USP37: variants seen among roughly 807,000 people sequenced by gnomAD.
USP37 encodes ubiquitin carboxyl-terminal hydrolase 37.
USP37 carries 27 observed loss-of-function variants against 124.0 expected under a neutral mutation model. The ratio of observed to expected loss-of-function variants is 0.22; its 90% CI spans 0.16 to 0.30. The LOEUF (loss-of-function observed/expected upper bound fraction) is 0.30. Ranked by LOEUF, USP37 falls within the 10% of genes least tolerant of loss-of-function variation. The probability of loss-of-function intolerance (pLI) is 1.00; values close to 1 mark genes in which losing one functional copy is unlikely to be tolerated. For synonymous variants in USP37, 365 were observed against 388.0 expected (o/e 0.94, Z 0.70); for missense variants, 889 against 1,140.4 (o/e 0.78, Z 3.17).
intron 10 of USP37, among the ~76,000 whole-genome samples, chr2:218,514,791 C>T (rs1276924772): frequency 6.6e-6 from 1 of 152,190 alleles, no homozygotes; most frequent in East Asian, 1.9e-4. Flanking sequence ...ATTCCTACAA[C>T]CCTCTGAAAT....
At chr2:218,533,662 C>A (rs1691461162) in intron 9 of USP37, among the ~76,000 whole-genome samples, 1 of 151,894 alleles carries the variant, frequency 6.6e-6, no homozygotes, top group South Asian at 2.1e-4. Flanking sequence ...TGTGATATTT[C>A]TTTCTGTAGG....
At position 218,474,890 on chromosome 2, in the gene USP37, A is replaced by G; in HGVS notation, c.2044-5T>C. ...TATTGGGCATAATTTTGAATCCTGA[A>G]GAAGAGAGTTACTTTTAGAAGAAAC... is the stretch of plus-strand genomic sequence containing the variant. On this transcript the variant is annotated splice_polypyrimidine_tract_variant and splice_region_variant and intron_variant, in intron 19 of 25. Transcript: ENST00000258399. 1.2e-6 allele frequency: 2 copies of G among 1,605,152 alleles called. No individual in the cohort carries two copies. The highest frequency in any genetic ancestry group is 1.7e-6 in the Non-Finnish European group (2 of 1,176,108).
chr2:218,489,630 C>T (rs1372277249), intron 14 of USP37, among the ~76,000 whole-genome samples: 1 of 151,896 alleles, frequency 6.6e-6, no homozygotes, highest in Non-Finnish European at 1.5e-5. Flanking sequence ...CAGGTGCACA[C>T]CACCACGCCT....
At chr2:218,496,764 T>A (rs1689103694) in intron 13 of USP37, among the ~76,000 whole-genome samples, 1 of 152,098 alleles carries the variant, frequency 6.6e-6, no homozygotes, top group African/African-American at 2.4e-5. Context: ...TTATCCTGCA[T>A]CAGCCTCCCA....
At chr2:218,566,418 G>A (rs1281198184) in intron 1 of USP37, among the ~76,000 whole-genome samples, 1 of 152,208 alleles carries the variant, frequency 6.6e-6, no homozygotes, top group Non-Finnish European at 1.5e-5. Flanking sequence ...TATCCTAAAT[G>A]TAACAAGCAC....
At chr2:218,514,088 G>A (rs149486020) in intron 10 of USP37, among the ~76,000 whole-genome samples, 2 of 152,106 alleles carry the variant, frequency 1.3e-5, no homozygotes, top group African/African-American at 2.4e-5. Flanking sequence ...CAAAGTGCTG[G>A]GATTACAGGC....
intron 10 of USP37, among the ~76,000 whole-genome samples, chr2:218,515,372 G>C (rs1690220655): frequency 6.6e-6 from 1 of 152,102 alleles, no homozygotes; most frequent in Non-Finnish European, 1.5e-5. Flanking sequence ...GAACAGAACA[G>C]AGGCCTCAGA....
At chr2:218,477,729 TTC>T (rs1691054566) in intron 18 of USP37, among the ~76,000 whole-genome samples, 1 of 152,250 alleles carries the variant, frequency 6.6e-6, no homozygotes, top group Non-Finnish European at 1.5e-5. Flanking sequence ...AAAATGCTGA[TTC>T]TAAGTCATTA....
At chr2:218,550,041 A>G in intron 5 of USP37, 132 bp from the exon 6 acceptor site, 1 of 588,606 alleles carries the variant, frequency 1.7e-6, no homozygotes, top group South Asian at 3.4e-5. Flanking sequence ...AACAAATCAA[A>G]GTGCCTATCA....
intron 22 of USP37, among the ~76,000 whole-genome samples, chr2:218,462,207 C>A (rs528312019): frequency 6.6e-6 from 1 of 151,692 alleles, no homozygotes. Flanking sequence ...TGGTGGTGCA[C>A]GCCTATAGTC....
chr2:218,464,194 T>C (rs1315384698), intron 21 of USP37, among the ~76,000 whole-genome samples: 3 of 151,680 alleles, frequency 2.0e-5, no homozygotes, highest in African/African-American at 7.3e-5. Context: ...TAAATTTGAA[T>C]GTGCAGTTAA....
rs377018966 is a variant in USP37 at position 218,497,794 on chromosome 2, G to C, written c.1221C>G (p.Leu407=). The C allele has an allele frequency of 6.2e-6, 10 of 1,614,050 alleles. No individual in the cohort carries two copies. Among genetic ancestry groups the C allele is most frequent in the Non-Finnish European group, 7.6e-6 (9 of 1,180,008 alleles). ...ICNSETKKDL[L]KKVKNAISAT... is the part of the protein sequence containing the mutation. ...CTGAAATGGCATTTTTAACCTTCTT[G>C]AGTAAATCCTTTTTGGTCTCTGAAT... is the stretch of plus-strand genomic sequence containing the variant. The change falls in exon 13 of 26, where the codon CTC becomes CTG. Residue 407 remains leucine, a synonymous_variant. Transcript: ENST00000258399.
chr2:218,552,455 C>A (rs1372525879), intron 5 of USP37, among the ~76,000 whole-genome samples: 1 of 152,128 alleles, frequency 6.6e-6, no homozygotes, highest in Non-Finnish European at 1.5e-5. Flanking sequence ...TGGCTCACAC[C>A]TGTAATCCCA....
intron 10 of USP37, among the ~76,000 whole-genome samples, chr2:218,520,809 T>C (rs1690569304): frequency 6.6e-6 from 1 of 152,212 alleles, no homozygotes; most frequent in South Asian, 2.1e-4. Flanking sequence ...TGACATGACA[T>C]CAACTTGGTG....
chr2:218,547,583 C>CAAAAAAAAA (rs58787835), intron 6 of USP37, among the ~76,000 whole-genome samples: 1 of 71,612 alleles, frequency 1.4e-5, no homozygotes, highest in African/African-American at 4.3e-5. Context: ...AATTACTAAC[C>CAAAAAAAAA]AAAAAAAAAA....
intron 20 of USP37, among the ~76,000 whole-genome samples, chr2:218,471,702 T>TC (rs1690701422): frequency 6.6e-6 from 1 of 152,132 alleles, no homozygotes; most frequent in East Asian, 1.9e-4. Context: ...ATTTTTTTTT[T>TC]CCCTTGGCAC....
chr2:218,511,881 G>A (rs1328048694), intron 10 of USP37, among the ~76,000 whole-genome samples: 1 of 151,286 alleles, frequency 6.6e-6, no homozygotes, highest in Non-Finnish European at 1.5e-5. Flanking sequence ...TAAGAGCACA[G>A]AAATTTTTTC....
chr2:218,489,422 A>G (rs905854374), intron 14 of USP37, among the ~76,000 whole-genome samples: 82 of 151,954 alleles, frequency 5.4e-4, no homozygotes, highest in African/African-American at 2.0e-3. Context: ...AACTCCCTAG[A>G]AGCCCCCTTG....
intron 16 of USP37, among the ~76,000 whole-genome samples, chr2:218,484,830 A>C (rs1387918234): frequency 6.6e-6 from 1 of 152,228 alleles, no homozygotes; most frequent in Non-Finnish European, 1.5e-5. Context: ...TAATGTTAAT[A>C]ACAACCTTGG....
Sources: gnomAD v4.1 joint callset for allele counts (sites outside exome capture counted in the v4.1 genomes callset) on GRCh38, gnomAD v4.1.1 for gene constraint, MANE v1.5 for transcripts, NCBI Gene and HGNC (gene_info 2026-07-23, HGNC 2026-07-21) for gene names.